RNF17: variants seen among roughly 807,000 people sequenced by gnomAD.
The protein encoded by RNF17 is ring finger protein 17.
RNF17 carries 31 observed loss-of-function variants against 200.5 expected under a neutral mutation model. That is an observed-to-expected ratio of 0.15 (90% CI 0.12 to 0.21). RNF17 has a LOEUF of 0.21. RNF17 is among the 10% of genes least tolerant of loss of function. The pLI, the probability that RNF17 is intolerant of heterozygous loss-of-function variation, is 1.00. For synonymous variants in RNF17, 606 were observed against 637.8 expected, an observed-to-expected ratio of 0.95 and a Z score of 0.75; for missense variants, 1,628 against 1,905.1, an observed-to-expected ratio of 0.85 and a Z score of 2.71.
the RNF17 span, among the ~76,000 whole-genome samples, chr13:24,757,458 G>C: frequency 1.7e-3 from 257 of 152,104 alleles, 8 homozygotes; most frequent in South Asian, 0.051. Context: ...TGAGTAGGTG[G>C]GACTACAGGT....
Position 24,768,307 on chromosome 13 carries a change from C to T in RNF17, c.225+941C>T, listed in dbSNP as rs770583037. On this transcript the variant is annotated intron_variant, in intron 2 of 35. Transcript: ENST00000255324. ...AATTCCTTTTTTTTTTTTTTTGAGA[C>T]GGAGTCTCACTGTGTCCCCCAGGCT... Among the ~76,000 whole-genome samples the T allele has an allele frequency of 4.9e-4, 55 of 111,956 alleles. 1 individual carries two copies. Among genetic ancestry groups the T allele is most frequent in the Non-Finnish European group, 8.8e-4 (50 of 56,924 alleles). 73.4% of individuals were successfully genotyped at this position (111,956 alleles called of 152,430 possible).
chr13:24,765,592 A>G (rs986410760), intron 1 of RNF17, among the ~76,000 whole-genome samples: 1 of 152,234 alleles, frequency 6.6e-6, no homozygotes, highest in African/African-American at 2.4e-5. Flanking sequence ...TACGTAGAAA[A>G]TTTCCATTTT....
the RNF17 span, among the ~76,000 whole-genome samples, chr13:24,886,601 A>AGAT: frequency 6.6e-6 from 1 of 152,212 alleles, no homozygotes; most frequent in African/African-American, 2.4e-5. Context: ...GCAAAGGGGC[A>AGAT]GATGGCAGAC....
chr13:24,816,370 A>G (rs138027957), intron 15 of RNF17, among the ~76,000 whole-genome samples: 1 of 152,284 alleles, frequency 6.6e-6, no homozygotes, highest in East Asian at 1.9e-4. Context: ...TCTTTGGCCT[A>G]GTTAAAACTT....
At chr13:24,832,229 T>G (rs1593374785) in intron 18 of RNF17, among the ~76,000 whole-genome samples, 1 of 152,152 alleles carries the variant, frequency 6.6e-6, no homozygotes, top group South Asian at 2.1e-4. Context: ...GGAATTAGCT[T>G]CTTTTATTTG....
At chr13:24,758,674 T>C in the RNF17 span, among the ~76,000 whole-genome samples, 26 of 152,232 alleles carry the variant, frequency 1.7e-4, no homozygotes, top group Non-Finnish European at 2.9e-4. Context: ...CTCTGAGTTC[T>C]GTGAGCCAAA....
At chr13:24,882,875 T>G (rs1395194961), downstream of RNF17, 9 of 235,070 alleles carry the variant, frequency 3.8e-5, no homozygotes, top group East Asian at 1.6e-4. Context: ...TACTTCTTGG[T>G]TTTTTTTTAT....
At chr13:24,861,027 A>G (rs1014998068) in intron 26 of RNF17, among the ~76,000 whole-genome samples, 1 of 152,012 alleles carries the variant, frequency 6.6e-6, no homozygotes, top group Admixed American at 6.6e-5. Flanking sequence ...ACAGGCGCAT[A>G]CCACCACAGA....
chr13:24,865,313 G>A (rs1223322131), intron 29 of RNF17, among the ~76,000 whole-genome samples: 1 of 152,184 alleles, frequency 6.6e-6, no homozygotes, highest in East Asian at 1.9e-4. Flanking sequence ...TTCAGTACCA[G>A]CAGAGGGCTC....
rs9511489 is a variant in RNF17, at chr13:24,873,810, C to A, written c.4448-304C>A. 4.9e-3 allele frequency among the ~76,000 whole-genome samples: 745 copies of A among 152,114 alleles called. 5 individuals are homozygous for A. Among genetic ancestry groups the A allele is most frequent in the Non-Finnish European group, 6.7e-3 (456 of 67,966 alleles). On this transcript the variant is annotated intron_variant, in intron 32 of 35. Coordinates refer to ENST00000255324, the MANE Select transcript of RNF17 (RefSeq NM_031277.3). Reference sequence around the variant, plus strand: ...TAGCTCTCATATGAGTGAGAACATGCGATATTTGTCTTTCTGTGCTTGTCT... The same window carrying A: ...TAGCTCTCATATGAGTGAGAACATGAGATATTTGTCTTTCTGTGCTTGTCT...
rs765860367 is a variant in RNF17, at chr13:24,843,976, AATAT to A, written c.2831+15_2831+18del. The A allele has an allele frequency of 1.2e-6, 1 of 828,368 alleles. No individual in the cohort carries two copies. The highest frequency in any genetic ancestry group is 1.8e-6 in the Non-Finnish European group (1 of 560,588). The allele number at this position is 828,368 out of a possible 1,614,324, so 51.3% of individuals were successfully genotyped here. On this transcript the variant is annotated splice_donor_region_variant and intron_variant, in intron 20 of 35. Coordinates refer to ENST00000255324, the MANE Select transcript of RNF17 (RefSeq NM_031277.3). Reference sequence around the variant, plus strand: ...AACTGAAAACTTACTTAATAGGTATAATATATATATATAATATATAAGGAAAATA... The same window carrying A: ...AACTGAAAACTTACTTAATAGGTATAATATATATAATATATAAGGAAAATA...
intron 17 of RNF17, among the ~76,000 whole-genome samples, chr13:24,831,315 G>C (rs1220269774): frequency 6.6e-6 from 1 of 152,032 alleles, no homozygotes; most frequent in Non-Finnish European, 1.5e-5. Flanking sequence ...GGTGGTGTGT[G>C]CCTGTAATCC....
chr13:24,797,281 A>G (rs1450606427), intron 11 of RNF17, among the ~76,000 whole-genome samples: 1 of 152,196 alleles, frequency 6.6e-6, no homozygotes, highest in Non-Finnish European at 1.5e-5. Flanking sequence ...GGCAAAGTAA[A>G]TACAGCTGAT....
downstream of RNF17, chr13:24,883,058 AT>A (rs1474732628): frequency 1.1e-6 from 1 of 922,158 alleles, no homozygotes; most frequent in Non-Finnish European, 1.7e-6. Context: ...GTAAACTTTT[AT>A]TTTAGAATCT....
At chr13:24,844,902 G>A (rs1045551285) in intron 21 of RNF17, 59 bp from the exon 22 acceptor site, 6 of 1,555,412 alleles carry the variant, frequency 3.9e-6, no homozygotes, top group Admixed American at 3.6e-5. Flanking sequence ...TTTTCAGTTT[G>A]CCAAAAAAAT....
At chr13:24,867,050 G>GAT (rs959875805) in intron 30 of RNF17, among the ~76,000 whole-genome samples, 36 of 151,472 alleles carry the variant, frequency 2.4e-4, no homozygotes, top group African/African-American at 4.6e-4. Flanking sequence ...GTGCCTATTG[G>GAT]ATATATATAT....
At chr13:24,856,189 A>G (rs886233372) in intron 25 of RNF17, among the ~76,000 whole-genome samples, 2 of 152,056 alleles carry the variant, frequency 1.3e-5, no homozygotes, top group African/African-American at 2.4e-5. Context: ...TGAGAGGCCT[A>G]GGTGGGTGGA....
intron 15 of RNF17, among the ~76,000 whole-genome samples, chr13:24,814,892 G>T (rs1887193326): frequency 6.6e-6 from 1 of 152,208 alleles, no homozygotes; most frequent in African/African-American, 2.4e-5. Context: ...AAGAAATATA[G>T]TATGATATTG....
At chr13:24,796,027 A>G (rs906184958) in intron 10 of RNF17, 110 bp from the exon 11 acceptor site, 3 of 681,490 alleles carry the variant, frequency 4.4e-6, no homozygotes, top group Non-Finnish European at 6.9e-6. Context: ...ATATTCCCAG[A>G]GTTCACAATG....
Sources: allele counts gnomAD v4.1 joint callset (sites outside exome capture counted in the v4.1 genomes callset), GRCh38; gene constraint gnomAD v4.1.1; transcripts MANE v1.5; gene names NCBI Gene and HGNC (gene_info 2026-07-23, HGNC 2026-07-21).